The following ST3GAL2 variants were observed in gnomAD, a reference collection of about 807,000 sequenced individuals.
ST3GAL2 encodes the protein CMP-N-acetylneuraminate-beta-galactosamide-alpha-2,3-sialyltransferase 2.
Under a neutral mutation model 37.5 loss-of-function variants are expected in ST3GAL2, and 16 were observed. The ratio of observed to expected loss-of-function variants is 0.43; its 90% CI spans 0.29 to 0.65. The LOEUF (loss-of-function observed/expected upper bound fraction) is 0.65, where lower values mean the gene tolerates loss of function less well. Ranked by LOEUF, ST3GAL2 falls within the 30% of genes least tolerant of loss-of-function variation. ST3GAL2 has a pLI of 0.17. For synonymous variants in ST3GAL2, 238 were observed against 202.9 expected (o/e 1.17, Z -1.47); for missense variants, 383 against 487.8 (o/e 0.79, Z 2.02).
intron 1 of ST3GAL2, among the ~76,000 whole-genome samples, chr16:70,430,379 A>G (rs2047781204): frequency 6.6e-6 from 1 of 152,250 alleles, no homozygotes; most frequent in South Asian, 2.1e-4. Flanking sequence ...TTTAAGGACA[A>G]GAGTAAATTG....
chr16:70,425,476 A>G (rs11867150), intron 1 of ST3GAL2, among the ~76,000 whole-genome samples: 1 of 152,046 alleles, frequency 6.6e-6, no homozygotes, highest in Admixed American at 6.5e-5. Flanking sequence ...CAAAAAAAAA[A>G]CAGTGATATA....
chr16:70,422,042 G>A (rs549577868), intron 1 of ST3GAL2, among the ~76,000 whole-genome samples: 2 of 152,102 alleles, frequency 1.3e-5, no homozygotes, highest in Non-Finnish European at 2.9e-5. Flanking sequence ...CTGGAATTAC[G>A]GGCCTGAGCC....
intron 1 of ST3GAL2, among the ~76,000 whole-genome samples, chr16:70,419,617 T>G (rs941551056): frequency 9.9e-5 from 15 of 152,180 alleles, no homozygotes; most frequent in African/African-American, 3.6e-4. Context: ...TGTGAGAGCT[T>G]CTGGGACATG....
At chr16:70,411,994 CAA>C (rs35917313) in intron 1 of ST3GAL2, among the ~76,000 whole-genome samples, 4 of 123,446 alleles carry the variant, frequency 3.2e-5, no homozygotes, top group Non-Finnish European at 3.5e-5. Flanking sequence ...AACTCCGTCT[CAA>C]AAAAAAAAAA....
chr16:70,379,071 G>C lies in ST3GAL2; in HGVS notation c.*2618C>G, dbSNP rs2047374300. 1 of 152,358 alleles carries C rather than the reference G, an allele frequency of 6.6e-6. No individual in the cohort carries two copies. The highest frequency in any genetic ancestry group is 1.5e-5 in the Non-Finnish European group (1 of 68,078). The allele number at this position is 152,358 out of a possible 1,614,324, so 9.4% of individuals were successfully genotyped here. On this transcript the variant is annotated 3_prime_UTR_variant, in exon 7 of 7. Coordinates refer to ENST00000342907, the MANE Select transcript of ST3GAL2 (RefSeq NM_006927.4). ...GGTGGAAATTGGGCTGTGGAGGCAGGGCTGTGCCAGAGGGGAAAACCTGAC... is the reference window on the plus strand; with the variant it reads ...GGTGGAAATTGGGCTGTGGAGGCAGCGCTGTGCCAGAGGGGAAAACCTGAC...
intron 1 of ST3GAL2, among the ~76,000 whole-genome samples, chr16:70,422,584 A>C (rs923302022): frequency 1.3e-5 from 2 of 152,158 alleles, no homozygotes; most frequent in South Asian, 4.1e-4. Context: ...TCCAGTCCCA[A>C]ACTTCACTCC....
At chr16:70,434,860 C>T (rs553926263) in intron 1 of ST3GAL2, among the ~76,000 whole-genome samples, 3 of 152,344 alleles carry the variant, frequency 2.0e-5, no homozygotes, top group African/African-American at 7.2e-5. Flanking sequence ...AGTAACCCTA[C>T]CTGGGTCTGT....
At chr16:70,411,687 CTAATATATTGT>C (rs2151670187) in intron 1 of ST3GAL2, among the ~76,000 whole-genome samples, 1 of 152,178 alleles carries the variant, frequency 6.6e-6, no homozygotes, top group Non-Finnish European at 1.5e-5. Context: ...TACTTGCATC[CTAATATATTGT>C]TAATAGTTAA....
intron 6 of ST3GAL2, 94 bp downstream of exon 6, chr16:70,382,711 G>A: frequency 2.5e-6 from 4 of 1,570,386 alleles, no homozygotes; most frequent in Non-Finnish European, 1.7e-6. Flanking sequence ...TCTGCCTACA[G>A]AAGCACATTC....
chr16:70,381,767 C>T lies in ST3GAL2; in HGVS notation c.975G>A (p.Val325=). ...TGTGGGCCTCGAAGTCCGCGTCGTG[C>T]ACGCCAGTCTTCCGGAACTCGCCCG... ...RYAGEFRKTG[V]HDADFEAHII... Residue 325 remains valine (V), a synonymous_variant, in exon 7 of 7, where the codon GTG becomes GTA. Coordinates refer to ENST00000342907, the MANE Select transcript of ST3GAL2 (RefSeq NM_006927.4). 1 of 1,614,102 alleles carries T rather than the reference C, an allele frequency of 6.2e-7. No homozygotes were observed. Among genetic ancestry groups the T allele is most frequent in the South Asian group, 1.1e-5 (1 of 91,086 alleles).
chr16:70,432,688 G>A (rs556740978), intron 1 of ST3GAL2, among the ~76,000 whole-genome samples: 1 of 152,256 alleles, frequency 6.6e-6, no homozygotes, highest in African/African-American at 2.4e-5. Context: ...ATGTCACTTG[G>A]AGATGTCTAC....
chr16:70,395,028 C>T lies in ST3GAL2; in HGVS notation c.487G>A (p.Gly163Ser). 1 of 1,613,908 alleles carries T rather than the reference C, an allele frequency of 6.2e-7. No homozygotes were observed. Among genetic ancestry groups the T allele is most frequent in the Non-Finnish European group, 8.5e-7 (1 of 1,179,962 alleles). The change falls in exon 3 of 7, where the codon GGC becomes AGC. Residue 163 changes from glycine (G) to serine (S), a missense_variant. By Grantham distance (56) the Gly-to-Ser change is moderately conservative. Around this residue, in one of 2 missense-constraint regions of ST3GAL2, gnomAD observed 223 missense variants for 239.1 expected, o/e 0.93. Transcript: ENST00000342907. ...TCCACGTCCTGCCCATAGCCAGAGC[C>T]CCGCAGGTTGCCCGAGTTCCCCACC... ...AVVGNSGNLR[G>S]SGYGQDVDGH...
chr16:70,402,229 T>A (rs1457721180), intron 1 of ST3GAL2, among the ~76,000 whole-genome samples: 1 of 123,384 alleles, frequency 8.1e-6, no homozygotes, highest in Admixed American at 1.1e-4. Context: ...AACCCAGGAG[T>A]GGGAGATCGT....
At chr16:70,402,594 G>A (rs781604820) in intron 1 of ST3GAL2, among the ~76,000 whole-genome samples, 1 of 152,190 alleles carries the variant, frequency 6.6e-6, no homozygotes, top group Non-Finnish European at 1.5e-5. Context: ...GAAATAAGGA[G>A]GGCTGAAGAG....
intron 1 of ST3GAL2, among the ~76,000 whole-genome samples, chr16:70,434,543 A>T (rs2047812813): frequency 6.6e-6 from 1 of 152,202 alleles, no homozygotes; most frequent in Non-Finnish European, 1.5e-5. Flanking sequence ...GGGGCTGTGC[A>T]TCAGAAAGAC....
chr16:70,388,136 A>C (rs1294320339), intron 4 of ST3GAL2, among the ~76,000 whole-genome samples: 1 of 151,834 alleles, frequency 6.6e-6, no homozygotes, highest in Non-Finnish European at 1.5e-5. Flanking sequence ...AAACAAACAA[A>C]AAAACAGATC....
intron 1 of ST3GAL2, among the ~76,000 whole-genome samples, chr16:70,419,468 G>A (rs1468334774): frequency 6.6e-6 from 1 of 152,220 alleles, no homozygotes; most frequent in Middle Eastern, 3.2e-3. Flanking sequence ...AAAGCTGCAA[G>A]ACAGTCTGTG....
At chr16:70,402,899 C>T (rs568864916) in intron 1 of ST3GAL2, among the ~76,000 whole-genome samples, 105 of 152,264 alleles carry the variant, frequency 6.9e-4, no homozygotes, top group African/African-American at 2.5e-3. Flanking sequence ...GATCCACCCG[C>T]CTCAGCCTCC....
intron 1 of ST3GAL2, among the ~76,000 whole-genome samples, chr16:70,415,266 AC>A (rs901469382): frequency 1.4e-5 from 2 of 147,800 alleles, no homozygotes; most frequent in African/African-American, 2.5e-5. Context: ...CCCCAGGACC[AC>A]CCCCCCGCCA....
Sources: gnomAD v4.1 joint callset for allele counts (sites outside exome capture counted in the v4.1 genomes callset) on GRCh38, gnomAD v4.1.1 for gene constraint, gnomAD v4.1.1 regional missense constraint, MANE v1.5 for transcripts, NCBI Gene and HGNC (gene_info 2026-07-23, HGNC 2026-07-21) for gene names.